The following NFIA variants were observed in gnomAD, a reference collection of about 807,000 sequenced individuals.
NFIA encodes the protein nuclear factor I A.
Under a neutral mutation model 62.8 loss-of-function variants are expected in NFIA, and 8 were observed. That is an observed-to-expected ratio of 0.13 (90% CI 0.07 to 0.23). The LOEUF (loss-of-function observed/expected upper bound fraction) is 0.23, where lower values mean the gene tolerates loss of function less well. Among genes scored for constraint, NFIA ranks in the 10% least tolerant of loss-of-function variants. NFIA has a pLI of 1.00. For synonymous variants in NFIA, 235 were observed against 238.1 expected (o/e 0.99, Z 0.12); for missense variants, 410 against 642.1 (o/e 0.64, Z 3.91).
At chr1:61,331,071 C>T (rs1661277270) in intron 3 of NFIA, among the ~76,000 whole-genome samples, 1 of 152,008 alleles carries the variant, frequency 6.6e-6, no homozygotes, top group Non-Finnish European at 1.5e-5. Context: ...TTACCAAAGC[C>T]AATTGAATAC....
At chr1:61,350,034 T>C (rs1261251197) in intron 4 of NFIA, among the ~76,000 whole-genome samples, 1 of 152,180 alleles carries the variant, frequency 6.6e-6, no homozygotes, top group Non-Finnish European at 1.5e-5. Flanking sequence ...TATTATATTC[T>C]TCAGGCGCCC....
At chr1:61,151,395 T>TC (rs1214757356) in intron 2 of NFIA, among the ~76,000 whole-genome samples, 1 of 151,338 alleles carries the variant, frequency 6.6e-6, no homozygotes, top group Non-Finnish European at 1.5e-5. Flanking sequence ...TTTTTTTTTT[T>TC]TCTTAATTTT....
intron 2 of NFIA, among the ~76,000 whole-genome samples, chr1:61,260,177 T>A (rs181417351): frequency 1.3e-3 from 197 of 152,388 alleles, no homozygotes; most frequent in Admixed American, 2.3e-3. Flanking sequence ...TCACAGTTAC[T>A]GCCTCAGTGT....
At chr1:61,354,386 A>G (rs530690731) in intron 5 of NFIA, among the ~76,000 whole-genome samples, 1 of 152,318 alleles carries the variant, frequency 6.6e-6, no homozygotes, top group South Asian at 2.1e-4. Flanking sequence ...AGATTTATAT[A>G]TAGAAATGTT....
intron 2 of NFIA, among the ~76,000 whole-genome samples, chr1:61,261,846 T>C (rs1656791436): frequency 1.3e-5 from 2 of 152,224 alleles, no homozygotes; most frequent in African/African-American, 4.8e-5. Flanking sequence ...GTTTCCTCAG[T>C]GTGCCAGAAA....
At chr1:61,288,722 C>G (rs902273263) in intron 3 of NFIA, among the ~76,000 whole-genome samples, 1 of 152,112 alleles carries the variant, frequency 6.6e-6, no homozygotes, top group African/African-American at 2.4e-5. Flanking sequence ...AACTTTTAGG[C>G]TGCAGTACAG....
chr1:61,334,533 A>ATGTGTG (rs1176399144), intron 4 of NFIA, among the ~76,000 whole-genome samples: 5 of 8,870 alleles, frequency 5.6e-4, no homozygotes, highest in Admixed American at 1.6e-3. Context: ...GTGTGTGTAT[A>ATGTGTG]TATGTGTGTG....
chr1:61,102,591 A>G (rs375415839), intron 2 of NFIA, among the ~76,000 whole-genome samples: 4 of 152,114 alleles, frequency 2.6e-5, no homozygotes, highest in East Asian at 1.9e-4. Flanking sequence ...CTTACTTCAT[A>G]TAATATGAAT....
At chr1:61,306,587 A>C (rs757492822) in intron 3 of NFIA, among the ~76,000 whole-genome samples, 1 of 151,972 alleles carries the variant, frequency 6.6e-6, no homozygotes, top group Non-Finnish European at 1.5e-5. Context: ...TTGGTGTGGT[A>C]TTTTTTCCCC....
Position 61,404,245 on chromosome 1 carries a change from A to C in NFIA, c.1217A>C (p.Asp406Ala). 6.2e-7 allele frequency: 1 copy of C among 1,614,160 alleles called. No homozygotes were observed. Among genetic ancestry groups the C allele is most frequent in the South Asian group, 1.1e-5 (1 of 91,064 alleles). Residue 406 changes from aspartate to alanine, a missense_variant, in exon 8 of 11, where the codon GAT (aspartate) becomes GCT (alanine). This residue lies in a region of NFIA where 298 missense variants were observed against 438.1 expected (regional missense o/e 0.68). Coordinates refer to ENST00000403491, the MANE Select transcript of NFIA (RefSeq NM_001134673.4). ...LKEFVQLVCPDAGQQAGQVGF... is the reference protein window; with the variant it reads ...LKEFVQLVCPAAGQQAGQVGF... ...GAATTTGTCCAACTTGTCTGCCCTG[A>C]TGCTGGTCAGCAGGCTGGACAGGTG...
At chr1:61,424,473 C>T (rs987597076) in intron 9 of NFIA, among the ~76,000 whole-genome samples, 4 of 152,064 alleles carry the variant, frequency 2.6e-5, no homozygotes, top group Non-Finnish European at 5.9e-5. Flanking sequence ...GGCGAGTGCA[C>T]ACTGTTCTAT....
chr1:61,275,775 C>G (rs538952803), intron 2 of NFIA, among the ~76,000 whole-genome samples: 3 of 152,192 alleles, frequency 2.0e-5, no homozygotes, highest in African/African-American at 7.2e-5. Flanking sequence ...CATTGAATTA[C>G]TACTCAAAAT....
intron 3 of NFIA, among the ~76,000 whole-genome samples, chr1:61,287,512 A>G (rs1658581222): frequency 6.6e-6 from 1 of 152,106 alleles, no homozygotes; most frequent in African/African-American, 2.4e-5. Flanking sequence ...GTTCCTAAAT[A>G]GTTGCCAGAT....
At chr1:61,307,787 ACT>A (rs1159926465) in intron 3 of NFIA, among the ~76,000 whole-genome samples, 2 of 151,936 alleles carry the variant, frequency 1.3e-5, no homozygotes, top group Non-Finnish European at 2.9e-5. Context: ...TCTTTTAAAG[ACT>A]CTGGATTTTT....
rs1253838255 is a variant in NFIA, at chr1:61,409,407, A to G, written c.1420+2680A>G. Among the ~76,000 whole-genome samples, 7 of 152,156 alleles carry G rather than the reference A, an allele frequency of 4.6e-5. No individual in the cohort carries two copies. In the South Asian group the frequency reaches 1.5e-3, roughly 32 times the overall value. On this transcript the variant is annotated intron_variant, in intron 9 of 10. Coordinates refer to ENST00000403491, the MANE Select transcript of NFIA (RefSeq NM_001134673.4). ...ATTGCTTACCATTTTCTGCTTTCTTAACAAGATGGTGTTAGGCTGGGAGAG... is the reference window on the plus strand; with the variant it reads ...ATTGCTTACCATTTTCTGCTTTCTTGACAAGATGGTGTTAGGCTGGGAGAG...
At chr1:61,082,020 G>A, upstream of NFIA, 1 of 1,549,584 alleles carries the variant, frequency 6.5e-7, no homozygotes, top group South Asian at 1.2e-5. Flanking sequence ...GGGGCAACCT[G>A]GCAAAGTTGC....
intron 2 of NFIA, among the ~76,000 whole-genome samples, chr1:61,182,309 G>A (rs1373150253): frequency 1.3e-5 from 2 of 152,120 alleles, no homozygotes; most frequent in African/African-American, 2.4e-5. Context: ...GGGATCTCTT[G>A]GAAGCTGGAC....
chr1:61,196,695 G>A (rs950770669), intron 2 of NFIA, among the ~76,000 whole-genome samples: 2 of 152,108 alleles, frequency 1.3e-5, no homozygotes, highest in South Asian at 2.1e-4. Flanking sequence ...GTAAATTCTA[G>A]TATCTGTATT....
intron 4 of NFIA, among the ~76,000 whole-genome samples, chr1:61,339,867 T>A (rs1661807008): frequency 6.6e-6 from 1 of 152,188 alleles, no homozygotes; most frequent in South Asian, 2.1e-4. Flanking sequence ...ACTGACTCTG[T>A]CCTCAGCCGA....
Sources: gnomAD v4.1 joint callset for allele counts (sites outside exome capture counted in the v4.1 genomes callset) on GRCh38, gnomAD v4.1.1 for gene constraint, gnomAD v4.1.1 regional missense constraint, MANE v1.5 for transcripts, NCBI Gene and HGNC (gene_info 2026-07-23, HGNC 2026-07-21) for gene names.